PPARGC1A: variants seen among roughly 807,000 people sequenced by gnomAD.
PPARGC1A encodes the protein peroxisome proliferator-activated receptor gamma coactivator 1-alpha.
Under a neutral mutation model 88.7 loss-of-function variants are expected in PPARGC1A, and 25 were observed. That is an observed-to-expected ratio of 0.28 (90% confidence interval 0.21 to 0.39). The LOEUF (loss-of-function observed/expected upper bound fraction) is 0.39. Ranked by LOEUF, PPARGC1A falls within the 10% of genes least tolerant of loss-of-function variation. The pLI is 1.00. For missense variants in PPARGC1A, 880 were observed against 968.7 expected, an observed-to-expected ratio of 0.91 and a Z score of 1.22; for synonymous variants, 363 against 355.6, an observed-to-expected ratio of 1.02 and a Z score of -0.24.
chr4:24,345,745 C>T, the PPARGC1A span, among the ~76,000 whole-genome samples: 261 of 152,216 alleles, frequency 1.7e-3, 5 homozygotes, highest in East Asian at 0.048. Context: ...GTTTGACTTC[C>T]TCTTTACCGA....
the PPARGC1A span, among the ~76,000 whole-genome samples, chr4:23,995,065 T>A: frequency 6.6e-6 from 1 of 152,078 alleles, no homozygotes. Flanking sequence ...CTACAATCAA[T>A]CTCTTGTGGT....
chr4:24,160,519 T>C, the PPARGC1A span, among the ~76,000 whole-genome samples: 2 of 152,334 alleles, frequency 1.3e-5, no homozygotes, highest in African/African-American at 2.4e-5. Context: ...TCAAGACTGC[T>C]GCATGCCTGG....
At chr4:24,036,972 C>T in the PPARGC1A span, among the ~76,000 whole-genome samples, 1 of 152,138 alleles carries the variant, frequency 6.6e-6, no homozygotes, top group Non-Finnish European at 1.5e-5. Context: ...GTTATCTACA[C>T]ATTTAAAAGA....
At chr4:24,238,762 T>A in the PPARGC1A span, among the ~76,000 whole-genome samples, 9 of 149,588 alleles carry the variant, frequency 6.0e-5, no homozygotes, top group African/African-American at 2.2e-4. Context: ...TGTGTGTGTG[T>A]GTGTGTGTGT....
At chr4:24,173,582 A>G in the PPARGC1A span, among the ~76,000 whole-genome samples, 1 of 152,304 alleles carries the variant, frequency 6.6e-6, no homozygotes, top group South Asian at 2.1e-4. Context: ...GCCTGGGAGC[A>G]TTAGTTATCA....
At chr4:24,069,759 G>A in the PPARGC1A span, among the ~76,000 whole-genome samples, 6 of 152,246 alleles carry the variant, frequency 3.9e-5, no homozygotes, top group African/African-American at 1.4e-4. Flanking sequence ...CTAGCTGAGG[G>A]AGGAGGAATT....
chr4:24,451,511 C>T, the PPARGC1A span, among the ~76,000 whole-genome samples: 2 of 152,162 alleles, frequency 1.3e-5, no homozygotes, highest in African/African-American at 2.4e-5. Flanking sequence ...CCATGAAGTG[C>T]CTCATGGGAC....
At chr4:24,443,377 T>A in the PPARGC1A span, among the ~76,000 whole-genome samples, 1 of 151,860 alleles carries the variant, frequency 6.6e-6, no homozygotes, top group Non-Finnish European at 1.5e-5. Context: ...ACGTCACACC[T>A]GAACACCAGG....
chr4:24,300,808 T>C, the PPARGC1A span, among the ~76,000 whole-genome samples: 1 of 152,136 alleles, frequency 6.6e-6, no homozygotes, highest in African/African-American at 2.4e-5. Flanking sequence ...GACTAACATG[T>C]CCAAGAAACT....
chr4:23,939,619 G>A, the PPARGC1A span, among the ~76,000 whole-genome samples: 1 of 152,170 alleles, frequency 6.6e-6, no homozygotes, highest in Admixed American at 6.5e-5. Context: ...TAGAGATAGA[G>A]AAAGGATTGA....
chr4:23,857,713 T>A (rs532806192), intron 2 of PPARGC1A, among the ~76,000 whole-genome samples: 1 of 151,668 alleles, frequency 6.6e-6, no homozygotes, highest in Non-Finnish European at 1.5e-5. Context: ...CTTGACTGGA[T>A]ACACACCGAG....
intron 2 of PPARGC1A, chr4:23,880,131 G>C (rs1469172557): frequency 1.3e-5 from 2 of 152,078 alleles, no homozygotes; most frequent in Non-Finnish European, 2.9e-5. Context: ...TCCTATGTAG[G>C]TACATACACA....
the PPARGC1A span, among the ~76,000 whole-genome samples, chr4:23,921,118 C>T: frequency 4.6e-5 from 7 of 152,100 alleles, no homozygotes; most frequent in Admixed American, 6.5e-5. Flanking sequence ...CAGTGCAAAG[C>T]GAACAATTCC....
chr4:23,802,741 A>G (rs967556436), intron 10 of PPARGC1A, among the ~76,000 whole-genome samples: 2 of 151,780 alleles, frequency 1.3e-5, no homozygotes, highest in Middle Eastern at 3.4e-3. Flanking sequence ...ACAATCATGC[A>G]TAAGAAACCC....
chr4:23,870,646 G>A (rs776083266), intron 2 of PPARGC1A, among the ~76,000 whole-genome samples: 3 of 152,124 alleles, frequency 2.0e-5, no homozygotes, highest in African/African-American at 4.8e-5. Flanking sequence ...GTTAAGTGAG[G>A]GGTGAAGAAG....
the PPARGC1A span, among the ~76,000 whole-genome samples, chr4:24,228,551 G>A: frequency 6.6e-6 from 1 of 152,026 alleles, no homozygotes; most frequent in Non-Finnish European, 1.5e-5. Context: ...TACTATGCTC[G>A]GTACGTGGGT....
chr4:23,926,758 T>C, the PPARGC1A span, among the ~76,000 whole-genome samples: 1 of 152,370 alleles, frequency 6.6e-6, no homozygotes, highest in African/African-American at 2.4e-5. Flanking sequence ...TCTCACTGCC[T>C]GCTTGAGGCC....
intron 11 of PPARGC1A, 129 bp downstream of exon 11, chr4:23,802,095 T>C (rs963409655): frequency 5.1e-6 from 7 of 1,371,962 alleles, no homozygotes; most frequent in South Asian, 1.4e-5. Context: ...AGAAAATAAA[T>C]AAGGTTCTGA....
the PPARGC1A span, among the ~76,000 whole-genome samples, chr4:24,152,804 A>G: frequency 4.6e-5 from 7 of 152,324 alleles, no homozygotes; most frequent in East Asian, 9.6e-4. Context: ...TGTTGAAACT[A>G]AAATACTTCT....
Sources: allele counts gnomAD v4.1 joint callset (sites outside exome capture counted in the v4.1 genomes callset), GRCh38; gene constraint gnomAD v4.1.1; transcripts MANE v1.5; gene names NCBI Gene and HGNC (gene_info 2026-07-23, HGNC 2026-07-21).